Variants in C19orf38 observed in about 807,000 individuals in gnomAD.
C19orf38 encodes the protein chromosome 19 open reading frame 38.
In C19orf38, 14 loss-of-function variants were observed where a neutral mutation model predicts 26.6. The observed-to-expected ratio is 0.53, with a 90% CI of 0.35 to 0.82. The LOEUF (loss-of-function observed/expected upper bound fraction) is 0.82. Among genes scored for constraint, C19orf38 ranks in the 40% least tolerant of loss-of-function variants. The pLI is 0.01. For missense variants in C19orf38, 261 were observed against 299.5 expected (o/e 0.87, Z 0.95); for synonymous variants, 132 against 128.5 (o/e 1.03, Z -0.18).
chr19:10,868,726 G>A (rs1311777101), intron 6 of C19orf38, among the ~76,000 whole-genome samples: 1 of 152,006 alleles, frequency 6.6e-6, no homozygotes, highest in South Asian at 2.1e-4. Flanking sequence ...GGCTGGTCTC[G>A]AACTCCTGAC....
At chr19:10,849,830 G>C (rs566511637) in intron 1 of C19orf38, among the ~76,000 whole-genome samples, 2 of 152,060 alleles carry the variant, frequency 1.3e-5, no homozygotes, top group South Asian at 4.1e-4. Flanking sequence ...TTGGGAGGCC[G>C]AGGTGGGGGG....
chr19:10,850,244 C>T lies in C19orf38; in HGVS notation c.32-15C>T, dbSNP rs1427789041. On this transcript the variant is annotated splice_polypyrimidine_tract_variant and intron_variant, in intron 1 of 6. Transcript: ENST00000397820. ...TCTCACCACGCACCCACCCACCTTA[C>T]CCTCTGCATTGCAGGCTCCTTGGCG... is the stretch of plus-strand genomic sequence containing the variant. 1 of 1,546,488 alleles carries T rather than the reference C, an allele frequency of 6.5e-7. No homozygotes were observed. The highest frequency in any genetic ancestry group is 2.0e-5 in the Admixed American group (1 of 50,422).
intron 2 of C19orf38, among the ~76,000 whole-genome samples, chr19:10,853,325 T>G (rs2073591814): frequency 6.6e-6 from 1 of 151,120 alleles, no homozygotes; most frequent in South Asian, 2.1e-4. Context: ...ACCTCCGAGG[T>G]TCAAGCAATT....
chr19:10,859,280 A>ATATGTGTGTGTGTGTATGTATG (rs2073665452), intron 4 of C19orf38, among the ~76,000 whole-genome samples: 2 of 40,054 alleles, frequency 5.0e-5, no homozygotes, highest in African/African-American at 1.8e-4. Flanking sequence ...GTGTGTGTGT[A>ATATGTGTGTGTGTGTATGTATG]TGTGTGTGTG....
At position 10,850,411 on chromosome 19, in the gene C19orf38, C is replaced by T; in HGVS notation, c.184C>T (p.Gln62Ter). Residue 62 changes from glutamine to a stop codon, truncating the protein, a stop_gained, in exon 2 of 7, where the codon CAG becomes TAG. Coordinates refer to ENST00000397820, the MANE Select transcript of C19orf38 (RefSeq NM_001136482.3). LOFTEE classifies it high-confidence loss of function. ...YRGGQVVQLLQAPTDQRGVTF... is the reference protein window; with the variant it reads ...YRGGQVVQLL ...AGGGGGGCAGGTGGTCCAGCTCCTG[C>T]AGGCCCCCACGGACCAGCGCGGGGT... The T allele has an allele frequency of 6.4e-7, 1 of 1,550,762 alleles. No homozygotes were observed. Among genetic ancestry groups the T allele is most frequent in the Non-Finnish European group, 8.7e-7 (1 of 1,146,418 alleles).
chr19:10,869,286 C>T lies in C19orf38; in HGVS notation c.612C>T (p.Asn204=), dbSNP rs886623044. The T allele has an allele frequency of 2.6e-6, 4 of 1,551,704 alleles. No homozygotes were observed. Among genetic ancestry groups the T allele is most frequent in the East Asian group, 2.4e-5 (1 of 40,922 alleles). ...DHSGTTATPS[N]SRTRKRPTST... ...CAGGCACCACTGCCACCCCCAGCAA[C>T]TCCAGGACCCGGAAGAGGCCCACTT... Residue 204 remains asparagine (N), a synonymous_variant, in exon 7 of 7, where the codon AAC becomes AAT. Transcript: ENST00000397820.
intron 2 of C19orf38, 79 bp from the exon 3 acceptor site, chr19:10,856,185 TG>T: frequency 9.0e-7 from 1 of 1,116,948 alleles, no homozygotes; most frequent in Non-Finnish European, 1.3e-6. Flanking sequence ...TTGGGGGTTA[TG>T]GGGTAAGGGC....
intron 1 of C19orf38, among the ~76,000 whole-genome samples, chr19:10,849,015 C>A (rs2073542754): frequency 6.6e-6 from 1 of 151,988 alleles, no homozygotes; most frequent in Non-Finnish European, 1.5e-5. Flanking sequence ...CTGCAGGAAG[C>A]CGTGCTCCAA....
chr19:10,868,085 T>C (rs1438072251), intron 6 of C19orf38, among the ~76,000 whole-genome samples: 3 of 152,016 alleles, frequency 2.0e-5, no homozygotes, highest in African/African-American at 7.3e-5. Context: ...GCCATGACCA[T>C]GGGTATGCAA....
At chr19:10,865,634 A>C (rs557295563) in intron 6 of C19orf38, among the ~76,000 whole-genome samples, 19 of 152,262 alleles carry the variant, frequency 1.2e-4, no homozygotes, top group Admixed American at 7.9e-4. Context: ...TTTGTCTCAA[A>C]CAAACAAAAA....
At chr19:10,841,353 T>C (rs1338438752) in intron 1 of C19orf38, among the ~76,000 whole-genome samples, 1 of 152,060 alleles carries the variant, frequency 6.6e-6, no homozygotes, top group Non-Finnish European at 1.5e-5. Flanking sequence ...TGTGGTGGCA[T>C]GCACCTATAG....
intron 6 of C19orf38, among the ~76,000 whole-genome samples, chr19:10,865,492 C>A (rs1410625019): frequency 6.6e-6 from 1 of 150,568 alleles, no homozygotes; most frequent in African/African-American, 2.4e-5. Context: ...AAGGACCAGG[C>A]GTGGTGGCTC....
intron 6 of C19orf38, among the ~76,000 whole-genome samples, chr19:10,867,797 C>T (rs772554464): frequency 1.2e-4 from 18 of 151,158 alleles, no homozygotes; most frequent in African/African-American, 2.9e-4. Context: ...GGATTACAGG[C>T]GCCTGCCACC....
rs2073782978 is a variant in C19orf38, at chr19:10,869,468, T to C, written c.*101T>C. 1.4e-6 allele frequency: 2 copies of C among 1,397,642 alleles called. No individual in the cohort carries two copies. 86.6% of individuals were successfully genotyped at this position (1,397,642 alleles called of 1,614,324 possible). On this transcript the variant is annotated 3_prime_UTR_variant, in exon 7 of 7. Transcript: ENST00000397820. ...TCTGTCAGCCACTTTCTCAGGGAAT[T>C]GGACAGAGGAAAGGAAGGGGAACCC...
At chr19:10,859,306 GTATGTA>G (rs2073666557) in intron 4 of C19orf38, among the ~76,000 whole-genome samples, 1 of 137,182 alleles carries the variant, frequency 7.3e-6, no homozygotes, top group Admixed American at 7.7e-5. Context: ...GTGTGTGTGT[GTATGTA>G]TGTGTGTGTG....
chr19:10,859,381 TATA>T (rs1161231398), intron 4 of C19orf38, among the ~76,000 whole-genome samples: 230 of 32,464 alleles, frequency 7.1e-3, no homozygotes, highest in East Asian at 0.018. Context: ...TATATATATA[TATA>T]TTTTTTTTTT....
chr19:10,859,312 A>G (rs1276089479), intron 4 of C19orf38, among the ~76,000 whole-genome samples: 60 of 84,972 alleles, frequency 7.1e-4, no homozygotes, highest in Middle Eastern at 6.1e-3. Context: ...GTGTGTATGT[A>G]TGTGTGTGTG....
intron 1 of C19orf38, among the ~76,000 whole-genome samples, chr19:10,839,953 G>A (rs2073467127): frequency 6.6e-6 from 1 of 152,016 alleles, no homozygotes; most frequent in Non-Finnish European, 1.5e-5. Context: ...TAACTCCTGG[G>A]CTTAAGTGAT....
At chr19:10,837,802 C>T (rs377307672) in intron 1 of C19orf38, among the ~76,000 whole-genome samples, 21 of 150,918 alleles carry the variant, frequency 1.4e-4, no homozygotes, top group African/African-American at 4.4e-4. Flanking sequence ...CCACTGCACC[C>T]GGCCGGATTT....
Sources: allele counts gnomAD v4.1 joint callset (sites outside exome capture counted in the v4.1 genomes callset), GRCh38; gene constraint gnomAD v4.1.1; transcripts MANE v1.5; gene names NCBI Gene and HGNC (gene_info 2026-07-23, HGNC 2026-07-21).